The following LVRN variants were observed in gnomAD, a reference collection of about 807,000 sequenced individuals.
The protein encoded by LVRN is laeverin, also known as aminopeptidase Q.
In LVRN, 99 loss-of-function variants were observed where a neutral mutation model predicts 111.4. The ratio of observed to expected loss-of-function variants is 0.89; its 90% CI spans 0.76 to 1.05. LVRN has a LOEUF of 1.05. LVRN is among the 50% of genes least tolerant of loss of function. The probability of loss-of-function intolerance (pLI) is 0.00; values close to 1 mark genes in which losing one functional copy is unlikely to be tolerated. For missense variants in LVRN, 1,414 were observed against 1,206.8 expected (o/e 1.17, Z -2.54); for synonymous variants, 488 against 449.5 (o/e 1.09, Z -1.08).
chr5:115,994,193 C>A (rs1748056775), intron 6 of LVRN, among the ~76,000 whole-genome samples: 1 of 151,824 alleles, frequency 6.6e-6, no homozygotes, highest in Non-Finnish European at 1.5e-5. Context: ...AAATGACTGC[C>A]TAAGATTATT....
intron 1 of LVRN, chr5:115,975,950 CA>C: frequency 1.8e-5 from 3 of 165,066 alleles, no homozygotes. Context: ...GCCTTGCTGC[CA>C]AAAATGTTGA....
chr5:116,016,363 G>A (rs1748602355), intron 18 of LVRN, among the ~76,000 whole-genome samples: 1 of 152,128 alleles, frequency 6.6e-6, no homozygotes, highest in Admixed American at 6.5e-5. Flanking sequence ...TAATATGTAT[G>A]TCACTAGTCC....
At chr5:115,994,723 T>A (rs550708238) in intron 6 of LVRN, among the ~76,000 whole-genome samples, 2 of 152,190 alleles carry the variant, frequency 1.3e-5, no homozygotes, top group Non-Finnish European at 2.9e-5. Context: ...AATGTGAAAA[T>A]CTAATTCTTT....
chr5:116,002,591 C>T (rs1262793071), intron 10 of LVRN, among the ~76,000 whole-genome samples: 1 of 152,068 alleles, frequency 6.6e-6, no homozygotes. Context: ...TTAGTAGCTA[C>T]CTAAGTTATA....
intron 17 of LVRN, 66 bp from the exon 18 acceptor site, chr5:116,015,562 G>A: frequency 6.5e-7 from 1 of 1,530,392 alleles, no homozygotes; most frequent in East Asian, 2.3e-5. Context: ...TTTTGATTTT[G>A]TTTATTTAAA....
In LVRN at chr5:115,997,005, A is replaced by G. The variant is rs115240648; in HGVS notation, c.1375-2757A>G. The stretch of plus-strand genomic sequence containing the variant: ...TTTATGTACTTAAATAGAATTATTT[A>G]TATTATCTCATTCAATCCTCAGGGC... On this transcript the variant is annotated intron_variant, in intron 6 of 19. Coordinates refer to ENST00000357872, the MANE Select transcript of LVRN (RefSeq NM_173800.5). Among the ~76,000 whole-genome samples, 371 of 152,336 alleles carry G rather than the reference A, an allele frequency of 2.4e-3. 1 individual carries two copies. The highest frequency in any genetic ancestry group is 8.5e-3 in the African/African-American group (353 of 41,576).
At chr5:116,022,613 G>C (rs1464205855) in intron 19 of LVRN, 147 bp downstream of exon 19, 3 of 592,252 alleles carry the variant, frequency 5.1e-6, no homozygotes. Context: ...TGAAAGAAGT[G>C]TTTTTAATTG....
chr5:116,015,535 A>G, intron 17 of LVRN, 93 bp from the exon 18 acceptor site: 2 of 1,500,070 alleles, frequency 1.3e-6, no homozygotes, highest in East Asian at 4.7e-5. Flanking sequence ...GTGCTTCACT[A>G]CCTTAGAACC....
In LVRN at chr5:115,992,172, A is replaced by G; in HGVS notation, c.1155A>G (p.Gly385=). 1.9e-6 allele frequency: 3 copies of G among 1,613,906 alleles called. No individual in the cohort carries two copies. Among genetic ancestry groups the G allele is most frequent in the Non-Finnish European group, 2.5e-6 (3 of 1,179,832 alleles). The change falls in exon 5 of 20, where the codon GGA becomes GGG. Residue 385 remains glycine, a synonymous_variant. Coordinates refer to ENST00000357872, the MANE Select transcript of LVRN (RefSeq NM_173800.5). ...ACAACCATGCAATGGAAAACTGGGG[A>G]CTAATGATATTTGATGAATCAGGAT... ...SFDNHAMENW[G]LMIFDESGLL...
rs142277837 is a variant in LVRN at position 116,025,217 on chromosome 5, T to G, written c.2833-761T>G. Among the ~76,000 whole-genome samples the G allele has an allele frequency of 5.3e-3, 803 of 152,310 alleles. 5 individuals carry two copies. The highest frequency in any genetic ancestry group is 9.6e-3 in the Non-Finnish European group (650 of 68,020). On this transcript the variant is annotated intron_variant, in intron 19 of 19. Transcript: ENST00000357872. Reference sequence around the variant, plus strand: ...CTTTAACTTACTTGTCCCTAAAACATTTCTTTTACATTGTAATTAGGCTTG... The same window carrying G: ...CTTTAACTTACTTGTCCCTAAAACAGTTCTTTTACATTGTAATTAGGCTTG...
Position 115,992,025 on chromosome 5 carries a change from A to AT in LVRN, c.1106-92dup, listed in dbSNP as rs374660320. The AT allele has an allele frequency of 3.8e-4, 450 of 1,191,320 alleles. 1 individual carries two copies. In the African/African-American group the frequency reaches 6.1e-3, roughly 16 times the overall value. The allele number at this position is 1,191,320 out of a possible 1,614,324, so 73.8% of individuals were successfully genotyped here. On this transcript the variant is annotated intron_variant, in intron 4 of 19. Transcript: ENST00000357872. ...GTTCAGGTTATAAATATTCCCTTGA[A>AT]TTTTTTGGTAATTTTATGATTTCAT...
At chr5:116,003,108 C>G in intron 11 of LVRN, 133 bp from the exon 12 acceptor site, 1 of 939,506 alleles carries the variant, frequency 1.1e-6, no homozygotes. Flanking sequence ...CTGGTAAGAG[C>G]AATATATATT....
chr5:115,987,789 C>T, intron 3 of LVRN, 24 bp from the exon 4 acceptor site: 4 of 1,598,292 alleles, frequency 2.5e-6, no homozygotes, highest in Non-Finnish European at 3.4e-6. Flanking sequence ...TTTTCCTAAT[C>T]ACTGCTTAAC....
chr5:115,997,318 G>T (rs1748136973), intron 6 of LVRN, among the ~76,000 whole-genome samples: 1 of 152,110 alleles, frequency 6.6e-6, no homozygotes, highest in Admixed American at 6.5e-5. Flanking sequence ...TAATCATCAT[G>T]ATATTCTATA....
In LVRN at chr5:115,993,911, A is replaced by G. The variant is rs1162471678; in HGVS notation, c.1374+57A>G. 8.9e-6 allele frequency: 9 copies of G among 1,015,914 alleles called. No individual in the cohort carries two copies. The East Asian group carries it at 1.1e-4, about 12-fold the overall frequency. The allele number at this position is 1,015,914 out of a possible 1,614,324, so 62.9% of individuals were successfully genotyped here. ...TTTCTCCTAATTATAAAAGTAATGCATATTCATTCTTGAAAATGTATAAAA... is the reference window on the plus strand; with the variant it reads ...TTTCTCCTAATTATAAAAGTAATGCGTATTCATTCTTGAAAATGTATAAAA... On this transcript the variant is annotated intron_variant, in intron 6 of 19. Coordinates refer to ENST00000357872, the MANE Select transcript of LVRN (RefSeq NM_173800.5).
At chr5:115,984,527 T>G in intron 2 of LVRN, 43 bp from the exon 3 acceptor site, 1 of 1,602,610 alleles carries the variant, frequency 6.2e-7, no homozygotes, top group Non-Finnish European at 8.5e-7. Context: ...GACATGTAAT[T>G]GCTTAGATTT....
Position 116,014,449 on chromosome 5 carries a change from C to T in LVRN, c.2372C>T (p.Ala791Val), listed in dbSNP as rs775370416. 6.2e-6 allele frequency: 10 copies of T among 1,612,422 alleles called. No individual in the cohort carries two copies. The Admixed American group carries it at 6.7e-5, about 11-fold the overall frequency. Reference protein sequence around the residue: ...LISLEKLFVTACWLGLEDCLQ... With the variant: ...LISLEKLFVTVCWLGLEDCLQ... ...TCACTGGAAAAACTTTTTGTAACTG[C>T]GTGTTGGTTGGGCCTTGAAGACTGC... The change falls in exon 16 of 20, where the codon GCG (alanine) becomes GTG (valine). Residue 791 changes from alanine (A) to valine (V), a missense_variant. Transcript: ENST00000357872.
rs369353088 is a variant in LVRN at position 116,015,622 on chromosome 5, T to A, written c.2619-6T>A. On this transcript the variant is annotated splice_polypyrimidine_tract_variant and splice_region_variant and intron_variant, in intron 17 of 19. Coordinates refer to ENST00000357872, the MANE Select transcript of LVRN (RefSeq NM_173800.5). ...AAATGTATTTTTTGAAAATGCACTTTTGCAGATATATGGAGTATGCCATCA... is the reference window on the plus strand; with the variant it reads ...AAATGTATTTTTTGAAAATGCACTTATGCAGATATATGGAGTATGCCATCA... The A allele has an allele frequency of 1.3e-6, 2 of 1,587,626 alleles. No homozygotes were observed. Among genetic ancestry groups the A allele is most frequent in the African/African-American group, 2.7e-5 (2 of 73,728 alleles).
chr5:116,007,689 T>G (rs1032394508), intron 13 of LVRN, among the ~76,000 whole-genome samples: 2 of 152,196 alleles, frequency 1.3e-5, no homozygotes, highest in African/African-American at 2.4e-5. Context: ...TTTATTGTAC[T>G]TTGCTTTAAG....
Sources: allele counts gnomAD v4.1 joint callset (sites outside exome capture counted in the v4.1 genomes callset), GRCh38; gene constraint gnomAD v4.1.1; transcripts MANE v1.5; gene names NCBI Gene and HGNC (gene_info 2026-07-23, HGNC 2026-07-21).